The following MYO18B variants were observed in gnomAD, a reference collection of about 807,000 sequenced individuals.
MYO18B encodes the protein myosin XVIIIB.
Under a neutral mutation model 273.0 loss-of-function variants are expected in MYO18B, and 204 were observed. The observed-to-expected ratio is 0.75, with a 90% confidence interval of 0.67 to 0.84. The LOEUF (loss-of-function observed/expected upper bound fraction) is 0.84, where lower values mean the gene tolerates loss of function less well. MYO18B is among the 40% of genes least tolerant of loss of function. MYO18B has a pLI of 0.00. For missense variants in MYO18B, 3,212 were observed against 3,287.6 expected (o/e 0.98, Z 0.56); for synonymous variants, 1,330 against 1,305.7 (o/e 1.02, Z -0.40).
In MYO18B at chr22:26,027,086, C is replaced by T. The variant is rs758446233; in HGVS notation, c.7112C>T (p.Pro2371Leu). 2 of 1,613,980 alleles carry T rather than the reference C, an allele frequency of 1.2e-6. No individual in the cohort carries two copies. The highest frequency in any genetic ancestry group is 1.7e-5 in the Admixed American group (1 of 60,026). The change falls in exon 43 of 44, where the codon CCC becomes CTC. Residue 2371 changes from proline to leucine, a missense_variant. By Grantham distance (98) the Pro-to-Leu change is moderately conservative. Coordinates refer to ENST00000335473, the MANE Select transcript of MYO18B (RefSeq NM_032608.7). This position sits in a 1 kb window ranked among gnomAD's most constrained non-coding sequence, Gnocchi z 4.1. ...AGAAAACTGAGCTCTCCGACCACAC[C>T]CAGGGACATGCTGTTGTCGCCCACA... is the stretch of plus-strand genomic sequence containing the variant. Reference protein sequence around the residue: ...MGRKLSSPTTPRDMLLSPTLR... With the variant: ...MGRKLSSPTTLRDMLLSPTLR...
chr22:25,791,787 G>A (rs974335111), intron 11 of MYO18B, among the ~76,000 whole-genome samples: 3 of 152,154 alleles, frequency 2.0e-5, no homozygotes, highest in Non-Finnish European at 2.9e-5. Context: ...TCACTCACTC[G>A]TGCCAGGGGC....
intron 22 of MYO18B, among the ~76,000 whole-genome samples, chr22:25,873,021 T>C (rs951238735): frequency 4.6e-5 from 7 of 152,114 alleles, no homozygotes; most frequent in Non-Finnish European, 5.9e-5. Flanking sequence ...CTCTGGGAAG[T>C]TGAGAAAATG....
intron 42 of MYO18B, among the ~76,000 whole-genome samples, chr22:26,008,316 C>G (rs898467892): frequency 6.6e-6 from 1 of 152,180 alleles, no homozygotes; most frequent in African/African-American, 2.4e-5. Flanking sequence ...GCATTTTAAA[C>G]TCTAATAGAT....
Position 25,874,414 on chromosome 22 carries a change from G to A in MYO18B, c.4080G>A (p.Lys1360=), listed in dbSNP as rs1478032989. ...CTCGCCAGGAATTCAAGAAGCTGAA[G>A]GTACTGCATGCCGTTCCCATGAGGA... ...FLSRQEFKKL[K]IRRLAAQCIQ... is the part of the protein sequence containing the mutation. Residue 1360 remains lysine, a splice_region_variant and synonymous_variant, in exon 23 of 44, where the codon AAG becomes AAA. Transcript: ENST00000335473. The A allele has an allele frequency of 3.7e-6, 6 of 1,612,916 alleles. No individual in the cohort carries two copies. Among genetic ancestry groups the A allele is most frequent in the Non-Finnish European group, 5.1e-6 (6 of 1,179,376 alleles).
At chr22:25,747,591 A>G (rs747355755) in intron 1 of MYO18B, among the ~76,000 whole-genome samples, 47 of 151,986 alleles carry the variant, frequency 3.1e-4, no homozygotes, top group Non-Finnish European at 5.9e-4. Context: ...GAGAGGGGAG[A>G]GCCAATGGGC....
At chr22:25,971,040 T>C (rs1413920425) in intron 39 of MYO18B, among the ~76,000 whole-genome samples, 1 of 152,246 alleles carries the variant, frequency 6.6e-6, no homozygotes, top group Non-Finnish European at 1.5e-5. Context: ...GTATTTTCTG[T>C]AGAGGGACAG....
Position 25,843,832 on chromosome 22 carries a change from C to T in MYO18B, c.3306C>T (p.Leu1102=). The T allele has an allele frequency of 6.2e-7, 1 of 1,613,778 alleles. No individual in the cohort carries two copies. The highest frequency in any genetic ancestry group is 8.5e-7 in the Non-Finnish European group (1 of 1,179,712). ...DPVRYDLTGW[L]HRAKPNLSAL... ...TGCGGTACGACCTCACGGGCTGGCT[C>T]CACAGAGCCAAGCCCAACCTCTCGG... Residue 1102 remains leucine, a synonymous_variant, in exon 18 of 44, where the codon CTC becomes CTT. Transcript: ENST00000335473.
chr22:25,763,536 G>A, intron 3 of MYO18B, 147 bp downstream of exon 3: 6 of 980,212 alleles, frequency 6.1e-6, no homozygotes, highest in Non-Finnish European at 8.9e-6. Context: ...GATCTATTGA[G>A]CTCTTATGTA....
intron 39 of MYO18B, among the ~76,000 whole-genome samples, chr22:25,968,597 G>T (rs778518906): frequency 1.3e-5 from 2 of 151,948 alleles, no homozygotes; most frequent in Non-Finnish European, 2.9e-5. Context: ...CCATAAGTAG[G>T]GTGGATCAAA....
At chr22:25,802,858 A>T (rs571620064) in intron 12 of MYO18B, among the ~76,000 whole-genome samples, 69 of 151,268 alleles carry the variant, frequency 4.6e-4, no homozygotes, top group African/African-American at 1.5e-3. Flanking sequence ...CCATGAATCT[A>T]CTTTCTGTCT....
chr22:25,751,987 G>A (rs183493193), intron 1 of MYO18B, among the ~76,000 whole-genome samples: 55 of 152,276 alleles, frequency 3.6e-4, no homozygotes, highest in African/African-American at 1.3e-3. Context: ...GGCTCAGAGA[G>A]CTCCCTGGGG....
chr22:25,905,083 C>T lies in MYO18B; in HGVS notation c.5148+1252C>T, dbSNP rs192165350. 2.6e-5 allele frequency among the ~76,000 whole-genome samples: 4 copies of T among 151,620 alleles called. No homozygotes were observed. The East Asian group carries it at 5.8e-4, about 22-fold the overall frequency. On this transcript the variant is annotated intron_variant, in intron 31 of 43. Coordinates refer to ENST00000335473, the MANE Select transcript of MYO18B (RefSeq NM_032608.7). ...AAAAAATGCTGAGGCCACCGTTATGCGAGAAAATGTGACCAGGTGTCATGA... is the reference window on the plus strand; with the variant it reads ...AAAAAATGCTGAGGCCACCGTTATGTGAGAAAATGTGACCAGGTGTCATGA...
At chr22:25,810,779 C>T (rs2088714155) in intron 12 of MYO18B, among the ~76,000 whole-genome samples, 1 of 151,962 alleles carries the variant, frequency 6.6e-6, no homozygotes, top group Non-Finnish European at 1.5e-5. Flanking sequence ...AACAATTGAA[C>T]AGAAAGTACA....
At chr22:25,799,769 C>T (rs780140236) in intron 12 of MYO18B, among the ~76,000 whole-genome samples, 3 of 152,188 alleles carry the variant, frequency 2.0e-5, no homozygotes, top group Non-Finnish European at 4.4e-5. Flanking sequence ...TTGTAGAAGT[C>T]ATACTGAGTC....
At chr22:25,840,954 G>C (rs903984829) in intron 17 of MYO18B, among the ~76,000 whole-genome samples, 1 of 152,108 alleles carries the variant, frequency 6.6e-6, no homozygotes, top group African/African-American at 2.4e-5. Flanking sequence ...TGGTTAAAAA[G>C]AAAAAATAGT....
At chr22:26,050,235 G>A in the MYO18B span, among the ~76,000 whole-genome samples, 1,751 of 152,284 alleles carry the variant, frequency 0.011, 29 homozygotes, top group African/African-American at 0.04. Flanking sequence ...TTTATCTGTG[G>A]CCAGATACAG....
chr22:25,808,493 T>C (rs2088586578), intron 12 of MYO18B, among the ~76,000 whole-genome samples: 2 of 152,138 alleles, frequency 1.3e-5, no homozygotes, highest in Non-Finnish European at 2.9e-5. Flanking sequence ...CCTCCAAAGT[T>C]CTTGCTCTTC....
intron 34 of MYO18B, among the ~76,000 whole-genome samples, chr22:25,939,363 T>G (rs2092617500): frequency 6.6e-6 from 1 of 152,260 alleles, no homozygotes; most frequent in Non-Finnish European, 1.5e-5. Context: ...AGGTCAGCTT[T>G]AAGATACAAC....
intron 39 of MYO18B, among the ~76,000 whole-genome samples, chr22:25,978,686 G>A (rs888340641): frequency 6.6e-5 from 10 of 152,150 alleles, no homozygotes; most frequent in Admixed American, 2.6e-4. Context: ...AGGCATGGTC[G>A]CTCATGCCTG....
Sources: allele counts gnomAD v4.1 joint callset (sites outside exome capture counted in the v4.1 genomes callset), GRCh38; gene constraint gnomAD v4.1.1; non-coding constraint Gnocchi (gnomAD v3.1); transcripts MANE v1.5; gene names NCBI Gene and HGNC (gene_info 2026-07-23, HGNC 2026-07-21).